Variants in CCDC122 observed in about 807,000 individuals in gnomAD.
CCDC122 encodes coiled-coil domain containing 122.
In CCDC122, 38 loss-of-function variants were observed where a neutral mutation model predicts 37.0. The ratio of observed to expected loss-of-function variants is 1.03; its 90% CI spans 0.79 to 1.35. The LOEUF is 1.35. CCDC122 is among the 40% of genes most tolerant of loss of function. The probability of loss-of-function intolerance (pLI) is 0.00; values close to 1 mark genes in which losing one functional copy is unlikely to be tolerated. For missense variants in CCDC122, 305 were observed against 310.0 expected (o/e 0.98, Z 0.12); for synonymous variants, 83 against 95.6 (o/e 0.87, Z 0.77).
chr13:43,819,868 G>A (rs2153867227), downstream of CCDC122, among the ~76,000 whole-genome samples: 1 of 152,086 alleles, frequency 6.6e-6, no homozygotes, highest in Admixed American at 6.6e-5. Flanking sequence ...ATAAAAATGT[G>A]ATTTCTAAAA....
rs577525991 is a variant in CCDC122, at chr13:43,845,920, T to C, written c.673-8491A>G. 1.2e-3 allele frequency among the ~76,000 whole-genome samples: 179 copies of C among 152,324 alleles called. 1 individual carries two copies. Among genetic ancestry groups the C allele is most frequent in the Non-Finnish European group, 1.9e-3 (127 of 68,028 alleles). ...AATCATTATACGCTTCTTTTAATTA[T>C]AAAATGAAAAGGATGTTTGTATATC... On this transcript the variant is annotated intron_variant, in intron 6 of 6. Transcript: ENST00000444614.
intron 6 of CCDC122, among the ~76,000 whole-genome samples, chr13:43,846,022 C>T (rs1300718837): frequency 1.3e-5 from 2 of 152,002 alleles, no homozygotes; most frequent in African/African-American, 2.4e-5. Context: ...TCTGAGTCAA[C>T]TGTTGCTATT....
intron 6 of CCDC122, among the ~76,000 whole-genome samples, chr13:43,848,303 G>C (rs751942600): frequency 6.6e-6 from 1 of 152,156 alleles, no homozygotes; most frequent in Non-Finnish European, 1.5e-5. Context: ...AGCCATCAAT[G>C]CTTTACACAA....
chr13:43,876,335 T>C (rs1954610641), intron 1 of CCDC122, among the ~76,000 whole-genome samples: 1 of 152,206 alleles, frequency 6.6e-6, no homozygotes, highest in Non-Finnish European at 1.5e-5. Context: ...TTTTGTTCTT[T>C]AAAATTATAC....
intron 6 of CCDC122, among the ~76,000 whole-genome samples, chr13:43,851,104 G>A (rs1953713413): frequency 6.6e-6 from 1 of 152,156 alleles, no homozygotes; most frequent in Non-Finnish European, 1.5e-5. Flanking sequence ...AGCAAAAATA[G>A]CCTTTAGGAA....
chr13:43,862,508 A>T (rs890896804), intron 4 of CCDC122, among the ~76,000 whole-genome samples: 1 of 152,134 alleles, frequency 6.6e-6, no homozygotes, highest in Non-Finnish European at 1.5e-5. Context: ...TTTCCTTTGT[A>T]ATACATCAAT....
At position 43,859,960 on chromosome 13, in the gene CCDC122, A is replaced by G. The variant is rs144888345; in HGVS notation, c.267T>C (p.His89=). ...TGATTTGAGTTTCCAGGCTATCACA[A>G]TGAAGTTTGGTATTCTCTATGGCAG... The part of the protein sequence containing the change: ...QDSAIENTKL[H]CDSLETQIKS... The change falls in exon 5 of 7, where the codon CAT becomes CAC. Residue 89 remains histidine (H), a synonymous_variant. Transcript: ENST00000444614. The G allele has an allele frequency of 2.9e-5, 47 of 1,610,786 alleles. No individual in the cohort carries two copies. The highest frequency in any genetic ancestry group is 2.3e-4 in the African/African-American group (17 of 74,820).
chr13:43,864,141 A>G (rs914820763), intron 4 of CCDC122, among the ~76,000 whole-genome samples: 98 of 152,298 alleles, frequency 6.4e-4, no homozygotes, highest in African/African-American at 2.2e-3. Flanking sequence ...GTCTTCAAAA[A>G]TCAATTGATA....
At chr13:43,842,923 ATTTC>A (rs2153870658) in intron 6 of CCDC122, among the ~76,000 whole-genome samples, 1 of 152,066 alleles carries the variant, frequency 6.6e-6, no homozygotes, top group South Asian at 2.1e-4. Flanking sequence ...AGTCTTTTCT[ATTTC>A]TTAAGATTTT....
downstream of CCDC122, among the ~76,000 whole-genome samples, chr13:43,831,604 T>A (rs1240258771): frequency 1.3e-5 from 2 of 152,236 alleles, no homozygotes; most frequent in African/African-American, 4.8e-5. Context: ...CATCTTAGAC[T>A]GGCAGTATAT....
chr13:43,855,565 T>C (rs1267323807), intron 6 of CCDC122: 1 of 152,180 alleles, frequency 6.6e-6, no homozygotes, highest in Non-Finnish European at 1.5e-5. Context: ...AATGTATAGA[T>C]TTGATGCTAT....
At chr13:43,875,209 T>C (rs1418298184) in intron 1 of CCDC122, among the ~76,000 whole-genome samples, 1 of 152,176 alleles carries the variant, frequency 6.6e-6, no homozygotes, top group Non-Finnish European at 1.5e-5. Context: ...AGACCTTTGG[T>C]GAAATCCAGT....
chr13:43,827,383 GTCAA>G (rs1953049988), intron 3 of CCDC122, among the ~76,000 whole-genome samples: 1 of 152,084 alleles, frequency 6.6e-6, no homozygotes, highest in African/African-American at 2.4e-5. Context: ...ATCATCTTAT[GTCAA>G]TCAAATGCTA....
rs368813902 is a variant in CCDC122, at chr13:43,837,389, T to C, written c.713A>G (p.His238Arg). 2.0e-5 allele frequency: 32 copies of C among 1,614,096 alleles called. No individual in the cohort carries two copies. The African/African-American group carries it at 2.5e-4, about 13-fold the overall frequency. ...KRYDAILKRL[H>R]CQVNKLQSNR... The stretch of plus-strand genomic sequence containing the variant: ...TGACTGAAGCTTGTTCACCTGACAA[T>C]GCAAACGCTTAAGAATTGCATCATA... The change falls in exon 7 of 7, where the codon CAT becomes CGT. Residue 238 changes from histidine to arginine, a missense_variant. Transcript: ENST00000444614.
At chr13:43,865,117 AT>A (rs1288400511) in intron 4 of CCDC122, among the ~76,000 whole-genome samples, 6 of 152,216 alleles carry the variant, frequency 3.9e-5, no homozygotes, top group Middle Eastern at 3.4e-3. Flanking sequence ...CCATTTGGCT[AT>A]TCCTGAGTTG....
intron 4 of CCDC122, among the ~76,000 whole-genome samples, chr13:43,864,676 T>C (rs1954217692): frequency 6.6e-6 from 1 of 152,150 alleles, no homozygotes; most frequent in Non-Finnish European, 1.5e-5. Context: ...CACCTCCCAC[T>C]GGGCCCCATC....
intron 6 of CCDC122, 21 bp downstream of exon 6, chr13:43,858,760 A>C (rs755508859): frequency 1.5e-6 from 2 of 1,358,324 alleles, no homozygotes; most frequent in Non-Finnish European, 2.0e-6. Context: ...AAACATTGAA[A>C]TCTAGATAAT....
chr13:43,845,489 C>T (rs1179654902), intron 6 of CCDC122, among the ~76,000 whole-genome samples: 1 of 152,048 alleles, frequency 6.6e-6, no homozygotes, highest in Non-Finnish European at 1.5e-5. Flanking sequence ...GGCAGGTAGA[C>T]CACCTGAAGT....
chr13:43,847,797 C>A (rs77055607), intron 6 of CCDC122, among the ~76,000 whole-genome samples: 1 of 151,962 alleles, frequency 6.6e-6, no homozygotes, highest in Non-Finnish European at 1.5e-5. Flanking sequence ...TTTGTTGAGA[C>A]AGGGTCTTGC....
Sources: allele counts gnomAD v4.1 joint callset (sites outside exome capture counted in the v4.1 genomes callset), GRCh38; gene constraint gnomAD v4.1.1; transcripts MANE v1.5; gene names NCBI Gene and HGNC (gene_info 2026-07-23, HGNC 2026-07-21).